FGF14: variants seen among roughly 807,000 people sequenced by gnomAD.
FGF14 encodes the protein fibroblast growth factor homologous factor 4.
Under a neutral mutation model 25.5 loss-of-function variants are expected in FGF14, and 5 were observed. The observed-to-expected ratio is 0.20, with a 90% confidence interval of 0.10 to 0.41. The LOEUF is 0.41. Ranked by LOEUF, FGF14 falls within the 10% of genes least tolerant of loss-of-function variation. The pLI, the probability that FGF14 is intolerant of heterozygous loss-of-function variation, is 1.00. For synonymous variants in FGF14, 138 were observed against 118.3 expected (o/e 1.17, Z -1.08); for missense variants, 222 against 320.1 (o/e 0.69, Z 2.34).
chr13:102,026,432 G>GAGT (rs149069618), intron 1 of FGF14, among the ~76,000 whole-genome samples: 4,824 of 151,380 alleles, frequency 0.032, 244 homozygotes, highest in African/African-American at 0.11. Context: ...TTTGATATTA[G>GAGT]AATATTAACT....
chr13:102,314,764 T>G (rs1482180885), intron 1 of FGF14, among the ~76,000 whole-genome samples: 1 of 152,116 alleles, frequency 6.6e-6, no homozygotes, highest in East Asian at 1.9e-4. Context: ...AGTCGTCTTG[T>G]GTATTAATTC....
intron 3 of FGF14, among the ~76,000 whole-genome samples, chr13:101,830,507 T>C (rs1438142857): frequency 1.3e-5 from 2 of 152,062 alleles, no homozygotes; most frequent in Non-Finnish European, 2.9e-5. Flanking sequence ...TGGGCTGAGA[T>C]GCAAATTAAC....
At chr13:102,093,229 A>C (rs561316358) in intron 1 of FGF14, among the ~76,000 whole-genome samples, 68 of 152,292 alleles carry the variant, frequency 4.5e-4, no homozygotes, top group African/African-American at 1.6e-3. Flanking sequence ...GAATACATAA[A>C]ATATATGTCA....
rs1053005621 is a variant in FGF14, at chr13:101,714,476, G to C, written c.*8355C>G. ...TGGGAAGTGCATTTGTTCTGCTGAAGAGTGGTATATTTCTGGGGAGTTCTG... is the reference window on the plus strand; with the variant it reads ...TGGGAAGTGCATTTGTTCTGCTGAACAGTGGTATATTTCTGGGGAGTTCTG... On this transcript the variant is annotated 3_prime_UTR_variant, in exon 5 of 5. Coordinates refer to ENST00000376143, the MANE Select transcript of FGF14 (RefSeq NM_004115.4). 2.5e-6 allele frequency: 4 copies of C among 1,612,676 alleles called. No individual in the cohort carries two copies. The highest frequency in any genetic ancestry group is 3.4e-6 in the Non-Finnish European group (4 of 1,178,708).
intron 1 of FGF14, among the ~76,000 whole-genome samples, chr13:102,144,485 T>A (rs2046771040): frequency 6.6e-6 from 1 of 151,230 alleles, no homozygotes; most frequent in Non-Finnish European, 1.5e-5. Context: ...TATTATAGTA[T>A]ATGATAGCTA....
chr13:101,743,440 T>A (rs1042361852), intron 3 of FGF14, among the ~76,000 whole-genome samples: 10 of 152,176 alleles, frequency 6.6e-5, no homozygotes, highest in African/African-American at 2.4e-4. Context: ...AATTTATTTA[T>A]TTTGCTTTAT....
At chr13:101,882,466 A>G (rs1159180086) in intron 1 of FGF14, among the ~76,000 whole-genome samples, 1 of 152,114 alleles carries the variant, frequency 6.6e-6, no homozygotes, top group Non-Finnish European at 1.5e-5. Flanking sequence ...CAAGAATTAC[A>G]CCAGATGTGC....
chr13:102,249,970 C>A (rs1210735892), intron 1 of FGF14, among the ~76,000 whole-genome samples: 2 of 152,070 alleles, frequency 1.3e-5, no homozygotes, highest in East Asian at 1.9e-4. Flanking sequence ...GGCATGAGTA[C>A]TCCTCCCTGG....
intron 1 of FGF14, among the ~76,000 whole-genome samples, chr13:101,987,457 C>T (rs967109939): frequency 6.6e-6 from 1 of 152,062 alleles, no homozygotes; most frequent in African/African-American, 2.4e-5. Context: ...ATTCCCGACC[C>T]CCATATATTG....
At chr13:102,398,401 A>C (rs1378915447) in intron 1 of FGF14, among the ~76,000 whole-genome samples, 2 of 152,192 alleles carry the variant, frequency 1.3e-5, no homozygotes, top group South Asian at 4.1e-4. Context: ...TTGACAGTTT[A>C]GCGAATTGGA....
At chr13:101,730,472 A>G (rs1403608935) in intron 3 of FGF14, among the ~76,000 whole-genome samples, 1 of 152,222 alleles carries the variant, frequency 6.6e-6, no homozygotes, top group African/African-American at 2.4e-5. Context: ...TTATTCAAGA[A>G]AGAAAATATT....
chr13:102,083,658 A>G (rs1035719708), intron 1 of FGF14, among the ~76,000 whole-genome samples: 1 of 152,174 alleles, frequency 6.6e-6, no homozygotes, highest in Non-Finnish European at 1.5e-5. Flanking sequence ...GGCTGAACCA[A>G]TGTATACCTT....
chr13:102,109,345 T>C (rs1273857885), intron 1 of FGF14, among the ~76,000 whole-genome samples: 1 of 152,136 alleles, frequency 6.6e-6, no homozygotes. Flanking sequence ...ACATATCCAT[T>C]GTAAAGCATG....
intron 1 of FGF14, among the ~76,000 whole-genome samples, chr13:102,295,913 G>A (rs986193747): frequency 6.6e-6 from 1 of 152,082 alleles, no homozygotes; most frequent in East Asian, 1.9e-4. Context: ...AGATTCCTGA[G>A]TTCCCTATCC....
intron 1 of FGF14, among the ~76,000 whole-genome samples, chr13:102,169,389 G>A (rs2048153620): frequency 1.3e-5 from 2 of 151,930 alleles, no homozygotes; most frequent in Non-Finnish European, 2.9e-5. Flanking sequence ...TTTCTTTCAT[G>A]CCCCTGAGGA....
At chr13:102,272,622 T>G (rs1394567470) in intron 1 of FGF14, among the ~76,000 whole-genome samples, 1 of 152,156 alleles carries the variant, frequency 6.6e-6, no homozygotes, top group East Asian at 1.9e-4. Flanking sequence ...TTATTTATTT[T>G]AAATAAAAAT....
intron 1 of FGF14, among the ~76,000 whole-genome samples, chr13:101,994,946 T>C (rs1339709561): frequency 6.6e-6 from 1 of 152,146 alleles, no homozygotes; most frequent in Non-Finnish European, 1.5e-5. Flanking sequence ...TTATACATTA[T>C]ATGGCTAATA....
chr13:102,074,070 T>G (rs994790510), intron 1 of FGF14, among the ~76,000 whole-genome samples: 3 of 152,210 alleles, frequency 2.0e-5, no homozygotes, highest in African/African-American at 7.2e-5. Flanking sequence ...TGGAGTACAG[T>G]GGTGTATTCA....
At chr13:102,391,912 T>A (rs2058441983) in intron 1 of FGF14, among the ~76,000 whole-genome samples, 1 of 152,210 alleles carries the variant, frequency 6.6e-6, no homozygotes, top group Admixed American at 6.5e-5. Flanking sequence ...GAAGATGAGT[T>A]TCAGACTACA....
Sources: allele counts gnomAD v4.1 joint callset (sites outside exome capture counted in the v4.1 genomes callset), GRCh38; gene constraint gnomAD v4.1.1; transcripts MANE v1.5; gene names NCBI Gene and HGNC (gene_info 2026-07-23, HGNC 2026-07-21).